The following PDZRN4 variants were observed in gnomAD, a reference collection of about 807,000 sequenced individuals.
PDZRN4 encodes the protein PDZ domain containing ring finger 4, also known as PDZ domain-containing RING finger protein 4.
A neutral mutation model predicts 99.0 loss-of-function variants in PDZRN4; 70 were observed. That is an observed-to-expected ratio of 0.71 (90% CI 0.58 to 0.86). The LOEUF (loss-of-function observed/expected upper bound fraction) is 0.86, where lower values mean the gene tolerates loss of function less well. PDZRN4 is among the 40% of genes least tolerant of loss of function. The pLI is 0.00. For missense variants in PDZRN4, 1,474 were observed against 1,331.2 expected, an observed-to-expected ratio of 1.11 and a Z score of -1.67; for synonymous variants, 551 against 501.6, an observed-to-expected ratio of 1.10 and a Z score of -1.32.
At chr12:41,286,317 G>A (rs1167180978) in intron 3 of PDZRN4, among the ~76,000 whole-genome samples, 2 of 143,760 alleles carry the variant, frequency 1.4e-5, no homozygotes, top group Non-Finnish European at 3.0e-5. Context: ...TTCCTTTACA[G>A]ATCATTTTCC....
At chr12:41,211,302 T>A (rs1461077442) in intron 3 of PDZRN4, among the ~76,000 whole-genome samples, 1 of 152,056 alleles carries the variant, frequency 6.6e-6, no homozygotes, top group African/African-American at 2.4e-5. Context: ...AACCCAGTCC[T>A]GGGATTGTTC....
chr12:41,355,502 G>A (rs1185654488), intron 3 of PDZRN4, among the ~76,000 whole-genome samples: 1 of 152,046 alleles, frequency 6.6e-6, no homozygotes, highest in Non-Finnish European at 1.5e-5. Context: ...ATTAGCTCAA[G>A]CAGCTGTTAA....
intron 3 of PDZRN4, among the ~76,000 whole-genome samples, chr12:41,311,794 A>G (rs1371445459): frequency 6.6e-6 from 1 of 152,206 alleles, no homozygotes; most frequent in Non-Finnish European, 1.5e-5. Context: ...TTTGACAGAG[A>G]CTTGATAGGT....
intron 3 of PDZRN4, among the ~76,000 whole-genome samples, chr12:41,276,486 A>T (rs2120873445): frequency 6.6e-6 from 1 of 152,232 alleles, no homozygotes; most frequent in Admixed American, 6.5e-5. Context: ...ATATGAATAT[A>T]TTTATGAAAT....
At chr12:41,372,526 A>G (rs1952049105) in intron 3 of PDZRN4, among the ~76,000 whole-genome samples, 2 of 152,194 alleles carry the variant, frequency 1.3e-5, no homozygotes, top group South Asian at 4.1e-4. Context: ...CTTACATAAA[A>G]TGGAAAACTG....
chr12:41,362,386 AAAT>A (rs1951969742), intron 3 of PDZRN4, among the ~76,000 whole-genome samples: 2 of 151,934 alleles, frequency 1.3e-5, no homozygotes, highest in African/African-American at 2.4e-5. Context: ...TTCTGATTAA[AAAT>A]AATAATTTTT....
intron 7 of PDZRN4, among the ~76,000 whole-genome samples, chr12:41,559,836 G>A (rs935500743): frequency 1.5e-4 from 23 of 152,066 alleles, no homozygotes; most frequent in Admixed American, 2.6e-4. Context: ...TGCTGTTCTC[G>A]TGATAGTGAG....
At chr12:41,312,764 C>T (rs1054427208) in intron 3 of PDZRN4, among the ~76,000 whole-genome samples, 7 of 152,128 alleles carry the variant, frequency 4.6e-5, no homozygotes, top group Middle Eastern at 3.4e-3. Context: ...CTTCTCATGG[C>T]ACATGGGGAT....
At chr12:41,275,371 C>T (rs1010773297) in intron 3 of PDZRN4, among the ~76,000 whole-genome samples, 3 of 152,168 alleles carry the variant, frequency 2.0e-5, no homozygotes, top group Admixed American at 1.3e-4. Context: ...TTGAACTAAC[C>T]CACTAGAATG....
In PDZRN4 at chr12:41,194,116, C is replaced by T. The variant is rs558830343; in HGVS notation, c.771C>T (p.Tyr257=). The change falls in exon 3 of 10, where the codon TAC becomes TAT. Residue 257 remains tyrosine, a synonymous_variant. Transcript: ENST00000402685. ...AAGGAACATCGACTGAAGGAATTTA[C>T]GTTTCAAAAATTTTAGAAAATGGAC... ...NQEGTSTEGI[Y]VSKILENGPA... The T allele has an allele frequency of 2.1e-5, 33 of 1,559,004 alleles. No homozygotes were observed. In the African/African-American group the frequency reaches 3.1e-4, roughly 15 times the overall value.
At chr12:41,337,575 C>G (rs561147522) in intron 3 of PDZRN4, among the ~76,000 whole-genome samples, 1 of 152,116 alleles carries the variant, frequency 6.6e-6, no homozygotes, top group Admixed American at 6.6e-5. Context: ...AGCAATGGAG[C>G]TTGGTTCTTC....
chr12:41,571,404 A>G (rs1939477003), intron 9 of PDZRN4, among the ~76,000 whole-genome samples: 2 of 144,982 alleles, frequency 1.4e-5, no homozygotes, highest in Admixed American at 7.0e-5. Context: ...ACACACACAC[A>G]CACTACATAA....
At chr12:41,283,119 A>G (rs1310565898) in intron 3 of PDZRN4, among the ~76,000 whole-genome samples, 2 of 151,792 alleles carry the variant, frequency 1.3e-5, no homozygotes, top group South Asian at 4.1e-4. Context: ...AGAATTAGCC[A>G]GACTAATTAA....
chr12:41,274,756 A>C (rs1007238683), intron 3 of PDZRN4, among the ~76,000 whole-genome samples: 1 of 152,180 alleles, frequency 6.6e-6, no homozygotes, highest in African/African-American at 2.4e-5. Context: ...TCCCTGGCTC[A>C]AACTTTGCCT....
chr12:41,280,669 C>T (rs1394911308), intron 3 of PDZRN4, among the ~76,000 whole-genome samples: 1 of 152,210 alleles, frequency 6.6e-6, no homozygotes, highest in Non-Finnish European at 1.5e-5. Context: ...CTAGAGTCCT[C>T]CTCTCTGGGC....
At chr12:41,341,106 C>A (rs150719708) in intron 3 of PDZRN4, among the ~76,000 whole-genome samples, 1 of 151,352 alleles carries the variant, frequency 6.6e-6, no homozygotes, top group East Asian at 1.9e-4. Flanking sequence ...AAGACAAAAA[C>A]GTGATCATTT....
At chr12:41,449,097 A>G (rs1284816498) in intron 3 of PDZRN4, among the ~76,000 whole-genome samples, 4 of 152,102 alleles carry the variant, frequency 2.6e-5, no homozygotes, top group Non-Finnish European at 5.9e-5. Context: ...TTCAACTGTC[A>G]AACCGACCAA....
chr12:41,449,773 A>G (rs1160183), intron 3 of PDZRN4, among the ~76,000 whole-genome samples: 77,494 of 152,114 alleles, frequency 0.51, 20,232 homozygotes, highest in African/African-American at 0.64. Context: ...ATTGTGATGC[A>G]TCTCCTTTTG....
intron 8 of PDZRN4, among the ~76,000 whole-genome samples, chr12:41,566,316 G>A (rs1024683170): frequency 6.6e-6 from 1 of 152,114 alleles, no homozygotes; most frequent in African/African-American, 2.4e-5. Flanking sequence ...ATTCCTTGAT[G>A]TGTTTGTGAA....
Sources: gnomAD v4.1 joint callset for allele counts (sites outside exome capture counted in the v4.1 genomes callset) on GRCh38, gnomAD v4.1.1 for gene constraint, MANE v1.5 for transcripts, NCBI Gene and HGNC (gene_info 2026-07-23, HGNC 2026-07-21) for gene names.